PSTPIP1: variants seen among roughly 807,000 people sequenced by gnomAD.
PSTPIP1 encodes proline-serine-threonine phosphatase interacting protein 1.
A neutral mutation model predicts 69.6 loss-of-function variants in PSTPIP1; 66 were observed. The observed-to-expected ratio is 0.95, with a 90% confidence interval of 0.78 to 1.16. The LOEUF (loss-of-function observed/expected upper bound fraction) is 1.16, where lower values mean the gene tolerates loss of function less well. PSTPIP1 is among the 50% of genes most tolerant of loss of function. The pLI, the probability that PSTPIP1 is intolerant of heterozygous loss-of-function variation, is 0.00. For missense variants in PSTPIP1, 603 were observed against 557.4 expected, an observed-to-expected ratio of 1.08 and a Z score of -0.82; for synonymous variants, 266 against 222.7, an observed-to-expected ratio of 1.19 and a Z score of -1.73.
Position 77,025,325 on chromosome 15 carries a change from C to A in PSTPIP1, c.247+7C>A. ...TTTGACTCCTTGAAGCAGCGTAAGTCCCCTACCCTGGGGCAATGGGATCTT... is the reference window on the plus strand; with the variant it reads ...TTTGACTCCTTGAAGCAGCGTAAGTACCCTACCCTGGGGCAATGGGATCTT... On this transcript the variant is annotated splice_region_variant and intron_variant, in intron 4 of 14. Transcript: ENST00000558012. 1.9e-6 allele frequency: 3 copies of A among 1,607,664 alleles called. No homozygotes were observed. Among genetic ancestry groups the A allele is most frequent in the Non-Finnish European group, 2.6e-6 (3 of 1,174,334 alleles).
chr15:77,036,896 AC>A (rs2076589231), intron 14 of PSTPIP1, 148 bp from the exon 15 acceptor site: 4 of 1,013,698 alleles, frequency 3.9e-6, no homozygotes, highest in Admixed American at 2.7e-5. Context: ...CCGTTGGGTT[AC>A]CCCCATCCTG....
Position 76,997,657 on chromosome 15 carries a change from C to T in PSTPIP1, c.36+2048C>T, listed in dbSNP as rs180743125. 1.5e-3 allele frequency among the ~76,000 whole-genome samples: 230 copies of T among 152,298 alleles called. 1 individual carries two copies. Among genetic ancestry groups the T allele is most frequent in the African/African-American group, 5.2e-3 (218 of 41,540 alleles). ...TTTAGCACTTGTGTTGTTGCAGGATCCCTCTGTCTATCTGACATATCACTG... is the reference window on the plus strand; with the variant it reads ...TTTAGCACTTGTGTTGTTGCAGGATTCCTCTGTCTATCTGACATATCACTG... On this transcript the variant is annotated intron_variant, in intron 1 of 14. Transcript: ENST00000558012.
intron 5 of PSTPIP1, chr15:77,026,286 C>A: frequency 2.3e-6 from 1 of 442,746 alleles, no homozygotes; most frequent in Non-Finnish European, 4.5e-6. Flanking sequence ...TGGGCTTGGG[C>A]CTGTGAGGAT....
At chr15:77,034,239 C>CCTTTCCCCCTGCCCA (rs1568524241) in intron 12 of PSTPIP1, among the ~76,000 whole-genome samples, 5 of 151,706 alleles carry the variant, frequency 3.3e-5, no homozygotes, top group Non-Finnish European at 5.9e-5. Context: ...AGCCCTGCAC[C>CCTTTCCCCCTGCCCA]CCTTTCCCCC....
rs975481521 is a variant in PSTPIP1, at chr15:77,025,628, G to A, written c.354+24G>A. The stretch of plus-strand genomic sequence containing the variant: ...AGGTGAGGCAGGTGCAGGGGGCGGG[G>A]GAGCTGCTCCCCCATTGCCAGCCTC... On this transcript the variant is annotated intron_variant, in intron 5 of 14. Transcript: ENST00000558012. The A allele has an allele frequency of 1.8e-5, 27 of 1,525,062 alleles. No homozygotes were observed. The African/African-American group carries it at 3.6e-4, about 20-fold the overall frequency. The allele number at this position is 1,525,062 out of a possible 1,614,324, so 94.5% of individuals were successfully genotyped here.
At chr15:77,033,786 C>T (rs1021985232) in intron 12 of PSTPIP1, among the ~76,000 whole-genome samples, 5 of 149,254 alleles carry the variant, frequency 3.3e-5, no homozygotes, top group South Asian at 2.1e-4. Flanking sequence ...TCCTGGGAGG[C>T]AGAGGCTCGT....
intron 12 of PSTPIP1, among the ~76,000 whole-genome samples, chr15:77,034,076 G>A (rs1366817202): frequency 6.6e-6 from 1 of 152,130 alleles, no homozygotes; most frequent in Non-Finnish European, 1.5e-5. Context: ...GCCGAGGGAG[G>A]CCTGGCTGCT....
At chr15:77,035,036 G>A (rs949693767) in intron 12 of PSTPIP1, among the ~76,000 whole-genome samples, 1 of 152,214 alleles carries the variant, frequency 6.6e-6, no homozygotes, top group East Asian at 1.9e-4. Flanking sequence ...AGCAGGGCAC[G>A]TGAGCCAGGC....
chr15:77,011,120 A>C (rs1450359536), intron 1 of PSTPIP1, among the ~76,000 whole-genome samples: 1 of 152,246 alleles, frequency 6.6e-6, no homozygotes, highest in Non-Finnish European at 1.5e-5. Context: ...CAAGCCAGAC[A>C]GACCTTGGTC....
chr15:77,022,252 G>A (rs79637691), intron 3 of PSTPIP1, among the ~76,000 whole-genome samples: 5,874 of 152,236 alleles, frequency 0.039, 355 homozygotes, highest in African/African-American at 0.13. Context: ...CTGGCTCATC[G>A]TGGGCACAGC....
At chr15:77,004,958 G>A (rs1053692217) in intron 1 of PSTPIP1, among the ~76,000 whole-genome samples, 1 of 152,102 alleles carries the variant, frequency 6.6e-6, no homozygotes, top group African/African-American at 2.4e-5. Context: ...CAATGCCCAG[G>A]CCACACCCCA....
At chr15:77,012,702 A>G (rs2075970500) in intron 1 of PSTPIP1, among the ~76,000 whole-genome samples, 1 of 152,196 alleles carries the variant, frequency 6.6e-6, no homozygotes, top group Non-Finnish European at 1.5e-5. Context: ...CTGTTTCCGT[A>G]TCTATACAAT....
At chr15:77,029,171 G>C (rs1050095187) in intron 7 of PSTPIP1, among the ~76,000 whole-genome samples, 4 of 152,222 alleles carry the variant, frequency 2.6e-5, no homozygotes, top group African/African-American at 7.2e-5. Flanking sequence ...AGACAGGAAG[G>C]CTGAGGCCCA....
Position 77,025,557 on chromosome 15 carries a change from C to T in PSTPIP1, c.307C>T (p.Arg103Trp), listed in dbSNP as rs768395688. 107 of 1,554,224 alleles carry T rather than the reference C, an allele frequency of 6.9e-5. No homozygotes were observed. The highest frequency in any genetic ancestry group is 8.8e-5 in the Non-Finnish European group (101 of 1,148,654). The change falls in exon 5 of 15, where the codon CGG becomes TGG. Residue 103 changes from arginine (R) to tryptophan (W), a missense_variant. Arg to Trp is a moderately radical substitution (Grantham distance 101). Coordinates refer to ENST00000558012, the MANE Select transcript of PSTPIP1 (RefSeq NM_003978.5). ...GGCCCTGACCCTGCGTGAGGAGCTG[C>T]GGAGTCTCGAGGAGTTTCGTGAGAG... Reference protein sequence around the residue: ...QLALTLREELRSLEEFRERQK... With the variant: ...QLALTLREELWSLEEFRERQK...
rs1274290946 is a variant in PSTPIP1 at position 76,995,183 on chromosome 15, A to T, written c.-391A>T. On this transcript the variant is annotated 5_prime_UTR_variant, in exon 1 of 15. Coordinates refer to ENST00000558012, the MANE Select transcript of PSTPIP1 (RefSeq NM_003978.5). Reference sequence around the variant, plus strand: ...CTGCCTGCCTGCCTGGCCCGGCCCGAGCTCCAGCCTGCCTCTTCCACTGGC... The same window carrying T: ...CTGCCTGCCTGCCTGGCCCGGCCCGTGCTCCAGCCTGCCTCTTCCACTGGC... 4.5e-5 allele frequency: 44 copies of T among 984,362 alleles called. No individual in the cohort carries two copies. Among genetic ancestry groups the T allele is most frequent in the Non-Finnish European group, 5.7e-5 (44 of 767,502 alleles). The allele number at this position is 984,362 out of a possible 1,614,324, so 61.0% of individuals were successfully genotyped here.
intron 11 of PSTPIP1, 143 bp from the exon 12 acceptor site, chr15:77,032,717 GTC>G (rs2076450983): frequency 1.6e-5 from 11 of 684,988 alleles, no homozygotes; most frequent in South Asian, 7.7e-5. Context: ...CTACGGTGGG[GTC>G]TCTCATGGGA....
chr15:77,036,657 T>C (rs1390598337), intron 14 of PSTPIP1, among the ~76,000 whole-genome samples: 4 of 151,888 alleles, frequency 2.6e-5, no homozygotes, highest in Non-Finnish European at 5.9e-5. Context: ...AGGAGAGTGA[T>C]GGGGTACTTG....
Position 77,028,588 on chromosome 15 carries a change from C to T in PSTPIP1, c.452C>T (p.Ala151Val), listed in dbSNP as rs1160921792. The change falls in exon 7 of 15, where the codon GCG becomes GTG. Residue 151 changes from alanine to valine, a missense_variant. Coordinates refer to ENST00000558012, the MANE Select transcript of PSTPIP1 (RefSeq NM_003978.5). ...KKTYEQKCRD[A>V]DDAEQAFERI... The stretch of plus-strand genomic sequence containing the variant: ...ACATACGAGCAGAAGTGCCGGGACG[C>T]GGACGACGCGGAGCAGGCCTTCGAG... The T allele has an allele frequency of 2.5e-6, 4 of 1,602,928 alleles. No homozygotes were observed. Among genetic ancestry groups the T allele is most frequent in the African/African-American group, 2.7e-5 (2 of 74,686 alleles).
chr15:77,012,218 C>T (rs2075956851), intron 1 of PSTPIP1, among the ~76,000 whole-genome samples: 5 of 145,496 alleles, frequency 3.4e-5, no homozygotes. Context: ...TCCGTCCACC[C>T]ATCTGTCCAT....
Sources: gnomAD v4.1 joint callset for allele counts (sites outside exome capture counted in the v4.1 genomes callset) on GRCh38, gnomAD v4.1.1 for gene constraint, MANE v1.5 for transcripts, NCBI Gene and HGNC (gene_info 2026-07-23, HGNC 2026-07-21) for gene names.